The following CUBN variants were observed in gnomAD, a reference collection of about 807,000 sequenced individuals.
CUBN encodes 460 kDa receptor.
A neutral mutation model predicts 405.3 loss-of-function variants in CUBN; 282 were observed. That is an observed-to-expected ratio of 0.70 (90% CI 0.63 to 0.77). The LOEUF (loss-of-function observed/expected upper bound fraction) is 0.77, where lower values mean the gene tolerates loss of function less well. CUBN is among the 30% of genes least tolerant of loss of function. CUBN has a pLI of 0.00. For synonymous variants in CUBN, 1,684 were observed against 1,617.0 expected, an observed-to-expected ratio of 1.04 and a Z score of -0.99; for missense variants, 4,514 against 4,475.2, an observed-to-expected ratio of 1.01 and a Z score of -0.25.
At chr10:17,072,822 C>G (rs1272496745) in intron 17 of CUBN, among the ~76,000 whole-genome samples, 1 of 151,806 alleles carries the variant, frequency 6.6e-6, no homozygotes, top group Non-Finnish European at 1.5e-5. Context: ...AATCTATGTA[C>G]AACTCTATGA....
At chr10:16,874,147 G>A (rs1326278450) in intron 58 of CUBN, among the ~76,000 whole-genome samples, 1 of 152,180 alleles carries the variant, frequency 6.6e-6, no homozygotes, top group South Asian at 2.1e-4. Flanking sequence ...TATAACGACT[G>A]TTTTAACTGG....
At chr10:16,931,000 T>C (rs1271030740) in intron 40 of CUBN, among the ~76,000 whole-genome samples, 1 of 151,766 alleles carries the variant, frequency 6.6e-6, no homozygotes, top group Non-Finnish European at 1.5e-5. Flanking sequence ...CTCACACCTG[T>C]AATCACAGCA....
intron 41 of CUBN, among the ~76,000 whole-genome samples, chr10:16,926,809 T>A (rs1407372196): frequency 7.2e-4 from 30 of 41,598 alleles, no homozygotes; most frequent in African/African-American, 2.0e-3. Context: ...AAATTTTTTT[T>A]TCTATCTATC....
intron 31 of CUBN, among the ~76,000 whole-genome samples, chr10:16,975,100 C>T (rs1833052249): frequency 6.6e-6 from 1 of 152,118 alleles, no homozygotes; most frequent in Non-Finnish European, 1.5e-5. Flanking sequence ...GACCCTAATC[C>T]CAGCATTGTT....
chr10:16,990,700 C>A (rs935281128), intron 28 of CUBN, among the ~76,000 whole-genome samples, 185 bp from the exon 29 acceptor site: 3 of 152,152 alleles, frequency 2.0e-5, no homozygotes, highest in Non-Finnish European at 1.5e-5. Context: ...ATGGCTACAA[C>A]TTATTAAGTT....
chr10:16,832,207 T>A (rs185129334), intron 64 of CUBN, among the ~76,000 whole-genome samples: 20 of 152,306 alleles, frequency 1.3e-4, no homozygotes, highest in Admixed American at 4.6e-4. Flanking sequence ...TCTCGACGCT[T>A]CTTACGGAAA....
At chr10:16,902,355 T>TATTTTATG (rs949386643) in intron 51 of CUBN, among the ~76,000 whole-genome samples, 1 of 146,078 alleles carries the variant, frequency 6.8e-6, no homozygotes, top group South Asian at 2.1e-4. Context: ...TGTGTATGTA[T>TATTTTATG]ATTTTATGTA....
chr10:16,929,467 G>C (rs901553925), intron 40 of CUBN, among the ~76,000 whole-genome samples: 1 of 152,134 alleles, frequency 6.6e-6, no homozygotes, highest in Non-Finnish European at 1.5e-5. Context: ...TGAGACATGA[G>C]TAAATATGCC....
At chr10:17,067,981 AC>A in intron 21 of CUBN, 82 bp downstream of exon 21, 1 of 1,083,506 alleles carries the variant, frequency 9.2e-7, no homozygotes, top group Non-Finnish European at 1.4e-6. Flanking sequence ...TCATAACACA[AC>A]GTGGTCAATT....
intron 56 of CUBN, among the ~76,000 whole-genome samples, chr10:16,886,892 G>A (rs1012320984): frequency 4.6e-5 from 7 of 152,204 alleles, no homozygotes; most frequent in Admixed American, 1.3e-4. Flanking sequence ...GGGTTCAAGC[G>A]ATTCTCCTGC....
chr10:17,041,682 A>G (rs182665695), intron 26 of CUBN, among the ~76,000 whole-genome samples: 16 of 152,270 alleles, frequency 1.1e-4, no homozygotes, highest in African/African-American at 3.6e-4. Flanking sequence ...TTAAAAACCC[A>G]AAATCCTATG....
At chr10:17,027,578 T>A (rs560205702) in intron 27 of CUBN, among the ~76,000 whole-genome samples, 5 of 152,206 alleles carry the variant, frequency 3.3e-5, no homozygotes, top group Non-Finnish European at 5.9e-5. Flanking sequence ...TCTGATAAAT[T>A]TATTTTTAAA....
intron 22 of CUBN, among the ~76,000 whole-genome samples, chr10:17,063,965 C>T (rs1835556879): frequency 6.6e-6 from 1 of 152,132 alleles, no homozygotes; most frequent in Admixed American, 6.5e-5. Context: ...GCTTTGGGGC[C>T]AAACATACCA....
intron 58 of CUBN, among the ~76,000 whole-genome samples, chr10:16,874,074 A>T (rs181144603): frequency 6.6e-6 from 1 of 152,362 alleles, no homozygotes; most frequent in East Asian, 1.9e-4. Context: ...CTTTGATTTC[A>T]AGATGGGCTT....
rs111573959 is a variant in CUBN, at chr10:16,835,229, A to G, written c.10181-34T>C. The G allele has an allele frequency of 1.6e-3, 2,443 of 1,517,210 alleles. 42 individuals are homozygous for G. In the African/African-American group the frequency reaches 0.029, roughly 18 times the overall value. 94.0% of individuals were successfully genotyped at this position (1,517,210 alleles called of 1,614,324 possible). ...AAAAATAGGCATAATTAATGTACGCATTCCAATATTTAGTGCTCTTTCAAC... is the reference window on the plus strand; with the variant it reads ...AAAAATAGGCATAATTAATGTACGCGTTCCAATATTTAGTGCTCTTTCAAC... On this transcript the variant is annotated intron_variant, in intron 63 of 66. Transcript: ENST00000377833.
intron 3 of CUBN, 49 bp downstream of exon 3, chr10:17,127,780 A>T (rs1042254630): frequency 5.1e-6 from 7 of 1,364,040 alleles, no homozygotes; most frequent in East Asian, 2.3e-5. Flanking sequence ...CTTATACAAT[A>T]GAACTAGGGA....
intron 14 of CUBN, among the ~76,000 whole-genome samples, chr10:17,097,492 C>T (rs1355303017): frequency 6.6e-6 from 1 of 152,046 alleles, no homozygotes; most frequent in Admixed American, 6.6e-5. Flanking sequence ...GTCAATCTTA[C>T]ACAAATCCTT....
chr10:17,127,188 C>CTCTTTCTTTCACTCTGTCTT (rs1837213445), intron 3 of CUBN, among the ~76,000 whole-genome samples: 2 of 149,770 alleles, frequency 1.3e-5, no homozygotes, highest in Non-Finnish European at 1.5e-5. Context: ...TTCTCTCTCT[C>CTCTTTCTTTCACTCTGTCTT]TCTTTCTTTC....
intron 8 of CUBN, 58 bp downstream of exon 8, chr10:17,113,969 G>T: frequency 1.3e-6 from 2 of 1,565,576 alleles, no homozygotes; most frequent in Non-Finnish European, 1.7e-6. Flanking sequence ...AAGAAAATTG[G>T]TTCTGGCACC....
Sources: gnomAD v4.1 joint callset for allele counts (sites outside exome capture counted in the v4.1 genomes callset) on GRCh38, gnomAD v4.1.1 for gene constraint, MANE v1.5 for transcripts, NCBI Gene and HGNC (gene_info 2026-07-23, HGNC 2026-07-21) for gene names.